Variants in SPIDR observed in about 807,000 individuals in gnomAD.
SPIDR encodes the protein scaffold protein involved in DNA repair.
A neutral mutation model predicts 104.6 loss-of-function variants in SPIDR; 93 were observed. The observed-to-expected ratio is 0.89, with a 90% CI of 0.75 to 1.06. The LOEUF (loss-of-function observed/expected upper bound fraction) is 1.06. Ranked by LOEUF, SPIDR falls within the 50% of genes least tolerant of loss-of-function variation. SPIDR has a pLI of 0.00. For missense variants in SPIDR, 1,154 were observed against 1,111.2 expected, an observed-to-expected ratio of 1.04 and a Z score of -0.55; for synonymous variants, 431 against 416.9, an observed-to-expected ratio of 1.03 and a Z score of -0.41.
chr8:47,624,773 A>C (rs888885931), intron 10 of SPIDR, among the ~76,000 whole-genome samples: 5 of 152,180 alleles, frequency 3.3e-5, no homozygotes, highest in Non-Finnish European at 5.9e-5. Context: ...AAAGTCCAGG[A>C]CCATATGGAT....
chr8:47,332,020 C>CT (rs1389355020), intron 5 of SPIDR, among the ~76,000 whole-genome samples: 4 of 48,188 alleles, frequency 8.3e-5, no homozygotes, highest in African/African-American at 2.4e-4. Flanking sequence ...TTATTATACT[C>CT]TAAGTTTTAG....
rs181892465 is a variant in SPIDR at position 47,542,718 on chromosome 8, G to T, written c.1098-53093G>T. Among the ~76,000 whole-genome samples the T allele has an allele frequency of 4.6e-3, 700 of 152,090 alleles. 4 individuals carry two copies. Among genetic ancestry groups the T allele is most frequent in the Non-Finnish European group, 8.1e-3 (552 of 67,990 alleles). ...TATCCTTTACCCAGTTTCCACTAAG[G>T]GTAATATCTTGCAGAACTGTCATAC... On this transcript the variant is annotated intron_variant, in intron 8 of 19. Coordinates refer to ENST00000297423, the MANE Select transcript of SPIDR (RefSeq NM_001080394.4).
chr8:47,340,133 T>C (rs10107926), intron 5 of SPIDR, among the ~76,000 whole-genome samples: 17,219 of 152,126 alleles, frequency 0.11, 1,404 homozygotes, highest in African/African-American at 0.23. Flanking sequence ...ATATTATGCC[T>C]TCTTTCTTCA....
chr8:47,422,736 G>A (rs2065762667), intron 7 of SPIDR, among the ~76,000 whole-genome samples: 1 of 152,032 alleles, frequency 6.6e-6, no homozygotes, highest in Non-Finnish European at 1.5e-5. Flanking sequence ...TGTTCCTGTT[G>A]GGCCATCTTG....
Position 47,732,028 on chromosome 8 carries a change from G to A in SPIDR, c.2604+2563G>A, listed in dbSNP as rs1269294431. 10 of 657,886 alleles carry A rather than the reference G, an allele frequency of 1.5e-5. No homozygotes were observed. In the East Asian group the frequency reaches 1.9e-4, roughly 12 times the overall value. The allele number at this position is 657,886 out of a possible 1,614,324, so 40.8% of individuals were successfully genotyped here. A position where few individuals can be genotyped will look rare whatever the true frequency, so the allele number is the denominator to read the frequency against. Reference sequence around the variant, plus strand: ...TCCATGCTACTCAGAAGGGTGGGACGGTGCTGTGGCAGCAGCTGCCTGGCA... The same window carrying A: ...TCCATGCTACTCAGAAGGGTGGGACAGTGCTGTGGCAGCAGCTGCCTGGCA... On this transcript the variant is annotated intron_variant, in intron 19 of 19. Transcript: ENST00000297423.
chr8:47,595,669 G>C (rs1247755445), intron 8 of SPIDR, 142 bp from the exon 9 acceptor site: 1 of 702,540 alleles, frequency 1.4e-6, no homozygotes, highest in African/African-American at 1.8e-5. Flanking sequence ...GGAGCATGAA[G>C]GACAGCTGTG....
intron 1 of SPIDR, among the ~76,000 whole-genome samples, chr8:47,279,596 G>C (rs1763418560): frequency 6.6e-6 from 1 of 152,104 alleles, no homozygotes; most frequent in Non-Finnish European, 1.5e-5. Flanking sequence ...TTTCCTTTCA[G>C]GTACTGATAC....
chr8:47,559,668 T>C (rs752884218), intron 8 of SPIDR, among the ~76,000 whole-genome samples: 8 of 152,234 alleles, frequency 5.3e-5, no homozygotes, highest in African/African-American at 1.2e-4. Flanking sequence ...CCCCTATGCC[T>C]GTTGGAGTGG....
chr8:47,619,063 A>C (rs1025091073), intron 10 of SPIDR, among the ~76,000 whole-genome samples: 10 of 152,350 alleles, frequency 6.6e-5, no homozygotes, highest in Admixed American at 2.6e-4. Context: ...GAGAAGTTTG[A>C]ATTTTGAACT....
intron 5 of SPIDR, among the ~76,000 whole-genome samples, chr8:47,324,699 C>T (rs923985305): frequency 6.6e-6 from 1 of 152,120 alleles, no homozygotes; most frequent in Non-Finnish European, 1.5e-5. Flanking sequence ...GCCAGTTCAC[C>T]AATTACTTGG....
intron 5 of SPIDR, among the ~76,000 whole-genome samples, chr8:47,322,238 A>C (rs926055182): frequency 2.0e-5 from 3 of 152,232 alleles, no homozygotes; most frequent in African/African-American, 7.2e-5. Flanking sequence ...GAGCTCCAAC[A>C]AATTTTCAAG....
At chr8:47,627,827 T>C (rs2066438254) in intron 10 of SPIDR, among the ~76,000 whole-genome samples, 5 of 152,224 alleles carry the variant, frequency 3.3e-5, no homozygotes, top group Admixed American at 3.3e-4. Flanking sequence ...AGCCTTGACG[T>C]ACTGGCCGGA....
chr8:47,529,696 C>T (rs1015797606), intron 8 of SPIDR, among the ~76,000 whole-genome samples: 6 of 151,880 alleles, frequency 4.0e-5, no homozygotes, highest in African/African-American at 1.4e-4. Flanking sequence ...AAAATAAAAC[C>T]TCAATTGATC....
intron 5 of SPIDR, among the ~76,000 whole-genome samples, chr8:47,334,005 G>A (rs542862149): frequency 2.6e-5 from 4 of 152,234 alleles, no homozygotes; most frequent in Non-Finnish European, 5.9e-5. Flanking sequence ...AGTTGAAAAC[G>A]TTTATAAATT....
chr8:47,287,103 C>T (rs1166355152), intron 3 of SPIDR, among the ~76,000 whole-genome samples: 4 of 152,094 alleles, frequency 2.6e-5, no homozygotes, highest in African/African-American at 9.7e-5. Context: ...CCACCTGAGC[C>T]ACAAAACCAG....
chr8:47,561,709 C>T (rs1490373173), intron 8 of SPIDR, among the ~76,000 whole-genome samples: 2 of 152,212 alleles, frequency 1.3e-5, no homozygotes, highest in Non-Finnish European at 2.9e-5. Flanking sequence ...CTTTCTCACC[C>T]TCTTCCCTGG....
intron 7 of SPIDR, among the ~76,000 whole-genome samples, chr8:47,438,596 G>A (rs1196005478): frequency 6.6e-6 from 1 of 152,198 alleles, no homozygotes; most frequent in Non-Finnish European, 1.5e-5. Flanking sequence ...TTTACAAGTT[G>A]GTTTCATTCC....
At chr8:47,585,120 TA>T (rs1482267788) in intron 8 of SPIDR, among the ~76,000 whole-genome samples, 4 of 152,204 alleles carry the variant, frequency 2.6e-5, no homozygotes, top group Non-Finnish European at 5.9e-5. Context: ...TACGTATAAT[TA>T]ATCATATGCC....
At chr8:47,476,215 T>C (rs1362175844) in intron 8 of SPIDR, among the ~76,000 whole-genome samples, 1 of 152,138 alleles carries the variant, frequency 6.6e-6, no homozygotes, top group African/African-American at 2.4e-5. Context: ...GTGTCTACGC[T>C]CCAGGGGACT....
Sources: allele counts gnomAD v4.1 joint callset (sites outside exome capture counted in the v4.1 genomes callset), GRCh38; gene constraint gnomAD v4.1.1; transcripts MANE v1.5; gene names NCBI Gene and HGNC (gene_info 2026-07-23, HGNC 2026-07-21).